TMEM217: variants seen among roughly 807,000 people sequenced by gnomAD.
TMEM217 encodes the protein transmembrane protein 217.
For missense variants in TMEM217, 204 were observed against 248.8 expected, an observed-to-expected ratio of 0.82 and a Z score of 1.21; for synonymous variants, 76 against 88.3, an observed-to-expected ratio of 0.86 and a Z score of 0.78.
In TMEM217 at chr6:37,229,335, G is replaced by GTTTTTTTTTTTTTT. The variant is rs372385535; in HGVS notation, c.-11-10308_-11-10295dup. 5.4e-5 allele frequency among the ~76,000 whole-genome samples: 4 copies of GTTTTTTTTTTTTTT among 74,368 alleles called. 1 individual carries two copies. Among genetic ancestry groups the GTTTTTTTTTTTTTT allele is most frequent in the Non-Finnish European group, 9.3e-5 (4 of 42,876 alleles). The allele number at this position is 74,368 out of a possible 152,430, so 48.8% of individuals were successfully genotyped here. A position where few individuals can be genotyped will look rare whatever the true frequency, so the allele number is the denominator to read the frequency against. Reference sequence around the variant, plus strand: ...TGACTCGTCTCCCTAGCAACTTTCAGTTTTTTTTTTTTTTTTTTTTTTTTT... The same window carrying GTTTTTTTTTTTTTT: ...TGACTCGTCTCCCTAGCAACTTTCAGTTTTTTTTTTTTTTTTTTTTTTTTTTTTTTTTTTTTTTT... On this transcript the variant is annotated intron_variant, in intron 1 of 1. Transcript: ENST00000357219.
rs1460666760 is a variant in TMEM217, at chr6:37,247,064, C to A, written c.-12+10504G>T. On this transcript the variant is annotated intron_variant, in intron 1 of 1. Coordinates refer to ENST00000357219, the Ensembl canonical transcript of TMEM217. ...GGTCCTTCTACAATGCAGATCTGGT[C>A]ATGTCATGTCCCAGCTTAAACTGGC... Among the ~76,000 whole-genome samples the A allele has an allele frequency of 2.0e-5, 3 of 152,144 alleles. No homozygotes were observed. The East Asian group carries it at 5.8e-4, about 29-fold the overall frequency.
chr6:37,222,936 A>G (rs908401594), intron 1 of TMEM217, among the ~76,000 whole-genome samples: 1 of 151,694 alleles, frequency 6.6e-6, no homozygotes, highest in African/African-American at 2.4e-5. Context: ...TGATTTGAAA[A>G]AGAACCCAAA....
chr6:37,215,416 G>C (rs1002425976), downstream of TMEM217: 1 of 1,143,968 alleles, frequency 8.7e-7, no homozygotes, highest in African/African-American at 1.6e-5. Flanking sequence ...CTCTACTAAA[G>C]ATACAAAAAT....
chr6:37,219,586 G>A (rs981601387), intron 1 of TMEM217, among the ~76,000 whole-genome samples: 1 of 152,064 alleles, frequency 6.6e-6, no homozygotes, highest in African/African-American at 2.4e-5. Flanking sequence ...ACAAAAATTA[G>A]TCAGGTGTGG....
intron 1 of TMEM217, among the ~76,000 whole-genome samples, chr6:37,254,513 G>A (rs1274387244): frequency 2.6e-5 from 4 of 152,174 alleles, no homozygotes; most frequent in African/African-American, 9.7e-5. Flanking sequence ...CTTTCTCAGA[G>A]AAGACTGTTC....
exon 4 of TMEM217, chr6:37,212,473 A>G (rs1380593001): frequency 4.4e-6 from 2 of 454,008 alleles, no homozygotes; most frequent in African/African-American, 4.0e-5. Context: ...GTTCACTGCA[A>G]TGGTGGAGCA....
At chr6:37,218,754 C>G (rs1763361238) in exon 2 of TMEM217, 1 of 1,614,076 alleles carries the variant, frequency 6.2e-7, no homozygotes, top group Non-Finnish European at 8.5e-7. Context: ...ATGACCAGGC[C>G]CCTGAAGATC....
At chr6:37,213,190 A>G (rs1413186743), downstream of TMEM217, among the ~76,000 whole-genome samples, 1 of 152,232 alleles carries the variant, frequency 6.6e-6, no homozygotes, top group Non-Finnish European at 1.5e-5. Context: ...CACATCATTG[A>G]GAAATGAATG....
rs34796387 is a variant in TMEM217, at chr6:37,220,545, CT to C, written c.-11-1505del. The stretch of plus-strand genomic sequence containing the variant: ...TTGAGACATTGTAATCATAGCTGGC[CT>C]TTTTTTTTTTGTAGATTTATAGCCC... On this transcript the variant is annotated intron_variant, in intron 1 of 1. Transcript: ENST00000357219. 6.3e-4 allele frequency among the ~76,000 whole-genome samples: 92 copies of C among 145,722 alleles called. 1 individual carries two copies. In the South Asian group the frequency reaches 9.4e-3, roughly 15 times the overall value.
chr6:37,225,895 G>GT (rs1583446512), intron 1 of TMEM217, among the ~76,000 whole-genome samples: 1 of 152,158 alleles, frequency 6.6e-6, no homozygotes, highest in Non-Finnish European at 1.5e-5. Flanking sequence ...CCCCCTTCCT[G>GT]TTTTTTAGCC....
chr6:37,225,904 C>T (rs1454513542), intron 1 of TMEM217, among the ~76,000 whole-genome samples: 1 of 152,156 alleles, frequency 6.6e-6, no homozygotes, highest in Non-Finnish European at 1.5e-5. Flanking sequence ...TGTTTTTTAG[C>T]CATGATTGGA....
chr6:37,216,412 T>C (rs1763211138), downstream of TMEM217, among the ~76,000 whole-genome samples: 1 of 152,118 alleles, frequency 6.6e-6, no homozygotes, highest in South Asian at 2.1e-4. Context: ...TTCTTGCTGC[T>C]GTGAGGGCCA....
exon 2 of TMEM217, chr6:37,218,145 T>G: frequency 8.9e-7 from 1 of 1,124,266 alleles, no homozygotes. Context: ...CATGATTGCT[T>G]ATAGTGGTGG....
At chr6:37,218,763 T>A in exon 2 of TMEM217, 1 of 1,614,122 alleles carries the variant, frequency 6.2e-7, no homozygotes, top group Non-Finnish European at 8.5e-7. Flanking sequence ...CCCCTGAAGA[T>A]CTGGGCATAC....
chr6:37,256,450 A>G (rs1295221797), intron 1 of TMEM217, among the ~76,000 whole-genome samples: 1 of 152,212 alleles, frequency 6.6e-6, no homozygotes, highest in African/African-American at 2.4e-5. Flanking sequence ...CGCCAGAGAA[A>G]GGCAAGTAAA....
chr6:37,229,510 T>C (rs182689412), intron 1 of TMEM217, among the ~76,000 whole-genome samples: 3 of 151,758 alleles, frequency 2.0e-5, no homozygotes, highest in African/African-American at 7.3e-5. Flanking sequence ...GCCCGGCTAA[T>C]TTTTTGTATT....
intron 1 of TMEM217, among the ~76,000 whole-genome samples, chr6:37,222,257 G>T (rs565084064): frequency 1.3e-5 from 2 of 152,332 alleles, no homozygotes; most frequent in African/African-American, 4.8e-5. Context: ...TGAGGGTGGG[G>T]CCTTACTGAG....
At chr6:37,231,665 C>T (rs1175984103) in intron 1 of TMEM217, among the ~76,000 whole-genome samples, 1 of 140,844 alleles carries the variant, frequency 7.1e-6, no homozygotes, top group Non-Finnish European at 1.5e-5. Context: ...GAGTGAGACT[C>T]CATCTCAAAA....
At chr6:37,218,910 T>G in exon 2 of TMEM217, 1 of 1,614,174 alleles carries the variant, frequency 6.2e-7, no homozygotes, top group Non-Finnish European at 8.5e-7. Flanking sequence ...TCAGTGCAAC[T>G]GCCATTCCCT....
Sources: allele counts gnomAD v4.1 joint callset (sites outside exome capture counted in the v4.1 genomes callset), GRCh38; gene constraint gnomAD v4.1.1; transcripts MANE v1.5; gene names NCBI Gene and HGNC (gene_info 2026-07-23, HGNC 2026-07-21).